PMEPA1: variants seen among roughly 807,000 people sequenced by gnomAD.
PMEPA1 encodes prostate transmembrane protein, androgen induced 1.
In PMEPA1, 11 loss-of-function variants were observed where a neutral mutation model predicts 23.0. That is an observed-to-expected ratio of 0.48 (90% CI 0.30 to 0.79). PMEPA1 has a LOEUF of 0.79. Among genes scored for constraint, PMEPA1 ranks in the 30% least tolerant of loss-of-function variants. PMEPA1 has a pLI of 0.06. For missense variants in PMEPA1, 377 were observed against 390.9 expected (o/e 0.96, Z 0.30); for synonymous variants, 204 against 166.4 (o/e 1.23, Z -1.74).
intron 1 of PMEPA1, among the ~76,000 whole-genome samples, chr20:57,668,204 G>T (rs1444487165): frequency 6.6e-6 from 1 of 152,174 alleles, no homozygotes; most frequent in African/African-American, 2.4e-5. Context: ...GTCAGCCAGG[G>T]TGGGGACTGG....
At chr20:57,660,793 C>G (rs1219314778) in intron 1 of PMEPA1, among the ~76,000 whole-genome samples, 2 of 151,508 alleles carry the variant, frequency 1.3e-5, no homozygotes, top group African/African-American at 4.9e-5. Flanking sequence ...CTCCTACACA[C>G]ACGTCAACAA....
Position 57,709,648 on chromosome 20 carries a change from G to T in PMEPA1, c.-66C>A, listed in dbSNP as rs2072141047. ...GGGCGGCCGGGGGGGGCTCCGGCCG[G>T]CGCCCGGAGCTGGGGCCCCGCATGC... On this transcript the variant is annotated 5_prime_UTR_variant, in exon 1 of 4. Coordinates refer to ENST00000341744, the MANE Select transcript of PMEPA1 (RefSeq NM_020182.5). 1 of 972,096 alleles carries T rather than the reference G, an allele frequency of 1.0e-6. No homozygotes were observed. Among genetic ancestry groups the T allele is most frequent in the African/African-American group, 1.8e-5 (1 of 55,642 alleles). The allele number at this position is 972,096 out of a possible 1,614,324, so 60.2% of individuals were successfully genotyped here.
chr20:57,661,534 G>T (rs2071418901), intron 1 of PMEPA1, among the ~76,000 whole-genome samples: 1 of 152,212 alleles, frequency 6.6e-6, no homozygotes, highest in Non-Finnish European at 1.5e-5. Flanking sequence ...GCTCCCTGGG[G>T]GCCCCAGTTC....
At chr20:57,706,124 G>T (rs1278090308) in intron 1 of PMEPA1, among the ~76,000 whole-genome samples, 2 of 152,192 alleles carry the variant, frequency 1.3e-5, no homozygotes, top group African/African-American at 2.4e-5. Flanking sequence ...AGCTGCCACC[G>T]TAGATACCAC....
At chr20:57,661,102 G>T (rs1023464116) in intron 1 of PMEPA1, among the ~76,000 whole-genome samples, 4 of 152,234 alleles carry the variant, frequency 2.6e-5, no homozygotes, top group Non-Finnish European at 5.9e-5. Context: ...GGCTGCGGAT[G>T]TTGCCATTCG....
intron 1 of PMEPA1, among the ~76,000 whole-genome samples, chr20:57,684,142 C>T (rs1379065970): frequency 6.6e-6 from 1 of 152,184 alleles, no homozygotes; most frequent in Non-Finnish European, 1.5e-5. Context: ...CCTGACTCCC[C>T]CTCCCCAGCT....
At chr20:57,687,949 T>A (rs1246231986) in intron 1 of PMEPA1, among the ~76,000 whole-genome samples, 1 of 152,184 alleles carries the variant, frequency 6.6e-6, no homozygotes, top group Non-Finnish European at 1.5e-5. Flanking sequence ...TGAACCTGCA[T>A]CTAGATCGGG....
chr20:57,689,266 C>A (rs1305888764), intron 1 of PMEPA1, among the ~76,000 whole-genome samples: 1 of 152,212 alleles, frequency 6.6e-6, no homozygotes, highest in African/African-American at 2.4e-5. Flanking sequence ...TCTATCTCGG[C>A]CCAAATCCCA....
rs2071272655 is a variant in PMEPA1 at position 57,652,891 on chromosome 20, C to CG, written c.318+141dup. The stretch of plus-strand genomic sequence containing the variant: ...TCAGGGGCAGGGAGCAGATGATCTC[C>CG]GGCAAGGAGGATCCCAGCAGCAAGG... On this transcript the variant is annotated intron_variant, in intron 3 of 3. Coordinates refer to ENST00000341744, the MANE Select transcript of PMEPA1 (RefSeq NM_020182.5). The surrounding 1 kb of genome is among the most constrained non-coding windows in gnomAD (Gnocchi z 6.1). 1.3e-6 allele frequency: 1 copy of CG among 767,374 alleles called. No individual in the cohort carries two copies. The highest frequency in any genetic ancestry group is 1.5e-5 in the South Asian group (1 of 64,548). 47.5% of individuals were successfully genotyped at this position (767,374 alleles called of 1,614,324 possible).
Position 57,709,801 on chromosome 20 carries a change from A to T in PMEPA1, c.-219T>A, listed in dbSNP as rs2072145432. On this transcript the variant is annotated 5_prime_UTR_variant, in exon 1 of 4. Transcript: ENST00000341744. ...TGCGCCCCCCCGGCCTCCCCTCGGCAGCCCCGGGGGCGTCGGCAGTGCCCG... is the reference window on the plus strand; with the variant it reads ...TGCGCCCCCCCGGCCTCCCCTCGGCTGCCCCGGGGGCGTCGGCAGTGCCCG... 3.1e-6 allele frequency: 3 copies of T among 982,134 alleles called. No homozygotes were observed. The highest frequency in any genetic ancestry group is 3.6e-6 in the Non-Finnish European group (3 of 828,620). 60.8% of individuals were successfully genotyped at this position (982,134 alleles called of 1,614,324 possible).
Position 57,650,436 on chromosome 20 carries a change from G to A in PMEPA1, c.*1617C>T, listed in dbSNP as rs748530333. ...TGGGTCCCAAAGCCCCACCCCTCAT[G>A]CTCTCCTCTGGTCACCTCTATTTAC... On this transcript the variant is annotated 3_prime_UTR_variant, in exon 4 of 4. Transcript: ENST00000341744. 6.6e-6 allele frequency: 1 copy of A among 152,182 alleles called. No individual in the cohort carries two copies. Among genetic ancestry groups the A allele is most frequent in the Non-Finnish European group, 1.5e-5 (1 of 68,034 alleles). The allele number at this position is 152,182 out of a possible 1,614,324, so 9.4% of individuals were successfully genotyped here.
intron 1 of PMEPA1, among the ~76,000 whole-genome samples, chr20:57,693,570 C>A (rs1293157035): frequency 1.3e-5 from 2 of 152,214 alleles, no homozygotes; most frequent in African/African-American, 4.8e-5. Flanking sequence ...CACACCTGAG[C>A]CCTTTTCTTC....
At chr20:57,679,994 G>T (rs2071691048) in intron 1 of PMEPA1, among the ~76,000 whole-genome samples, 1 of 152,192 alleles carries the variant, frequency 6.6e-6, no homozygotes, top group Non-Finnish European at 1.5e-5. Context: ...GTCCACGCAG[G>T]CATCCCTGGT....
chr20:57,687,659 G>A (rs1003810148), intron 1 of PMEPA1, among the ~76,000 whole-genome samples: 1 of 152,224 alleles, frequency 6.6e-6, no homozygotes. Flanking sequence ...TGAAAAGAAA[G>A]GATAAAATAC....
At chr20:57,671,378 C>G (rs1386941566) in intron 1 of PMEPA1, among the ~76,000 whole-genome samples, 1 of 152,034 alleles carries the variant, frequency 6.6e-6, no homozygotes, top group Non-Finnish European at 1.5e-5. Context: ...TGAGTGAGTC[C>G]GTGGTGGTGT....
chr20:57,678,280 T>C (rs2071665975), intron 1 of PMEPA1, among the ~76,000 whole-genome samples: 1 of 152,200 alleles, frequency 6.6e-6, no homozygotes, highest in Non-Finnish European at 1.5e-5. Flanking sequence ...GACGGTACCA[T>C]TGGGGGAAGC....
intron 1 of PMEPA1, among the ~76,000 whole-genome samples, chr20:57,670,929 G>A (rs1025743645): frequency 3.9e-5 from 6 of 152,048 alleles, no homozygotes; most frequent in African/African-American, 1.4e-4. Flanking sequence ...CCCAACCAGT[G>A]TCCCGAGTCA....
upstream of PMEPA1, chr20:57,711,212 T>G (rs1174474246): frequency 6.6e-6 from 1 of 152,074 alleles, no homozygotes; most frequent in African/African-American, 2.4e-5. Context: ...CTTAGTGTGT[T>G]CAGAGAAAAA....
At chr20:57,667,620 C>T (rs988192973) in intron 1 of PMEPA1, among the ~76,000 whole-genome samples, 1 of 152,224 alleles carries the variant, frequency 6.6e-6, no homozygotes, top group African/African-American at 2.4e-5. Flanking sequence ...AACAAGCAGC[C>T]AGTGCATGGG....
Sources: gnomAD v4.1 joint callset for allele counts (sites outside exome capture counted in the v4.1 genomes callset) on GRCh38, gnomAD v4.1.1 for gene constraint, Gnocchi (gnomAD v3.1) non-coding constraint, MANE v1.5 for transcripts, NCBI Gene and HGNC (gene_info 2026-07-23, HGNC 2026-07-21) for gene names.